Variants in CACNA1C observed in about 807,000 individuals in gnomAD.
CACNA1C encodes the protein calcium voltage-gated channel subunit alpha1 C, also known as voltage-dependent L-type calcium channel subunit alpha-1C.
CACNA1C carries 30 observed loss-of-function variants against 229.0 expected under a neutral mutation model. The observed-to-expected ratio is 0.13, with a 90% CI of 0.10 to 0.18. The LOEUF is 0.18. Among genes scored for constraint, CACNA1C ranks in the 10% least tolerant of loss-of-function variants. CACNA1C has a pLI of 1.00. For missense variants in CACNA1C, 1,658 were observed against 2,845.0 expected (o/e 0.58, Z 9.49); for synonymous variants, 1,114 against 1,132.5 (o/e 0.98, Z 0.33).
chr12:2,485,169 A>T (rs2099693088), intron 5 of CACNA1C, among the ~76,000 whole-genome samples: 1 of 151,988 alleles, frequency 6.6e-6, no homozygotes, highest in Admixed American at 6.6e-5. Context: ...TGTGTGTCAG[A>T]GGTGGCACTC....
At chr12:2,462,328 C>CCCCCACCTCGGCTCAGCTCTCCATACA (rs1567829816) in intron 5 of CACNA1C, among the ~76,000 whole-genome samples, 3 of 119,254 alleles carry the variant, frequency 2.5e-5, no homozygotes, top group Non-Finnish European at 3.6e-5. Context: ...CGCACCTCCT[C>CCCCCACCTCGGCTCAGCTCTCCATACA]GGCCCGCCCC....
intron 9 of CACNA1C, among the ~76,000 whole-genome samples, chr12:2,519,206 T>G (rs1362948623): frequency 6.6e-6 from 1 of 152,252 alleles, no homozygotes; most frequent in Non-Finnish European, 1.5e-5. Flanking sequence ...GAGGTCCTTC[T>G]TGGGGCTGCC....
chr12:2,466,391 G>A (rs936812207), intron 5 of CACNA1C, among the ~76,000 whole-genome samples: 1 of 152,172 alleles, frequency 6.6e-6, no homozygotes, highest in Admixed American at 6.5e-5. Flanking sequence ...CCTGAACCTC[G>A]CTTGCAGTTA....
At chr12:2,571,831 G>C (rs1274394378) in intron 13 of CACNA1C, among the ~76,000 whole-genome samples, 2 of 152,176 alleles carry the variant, frequency 1.3e-5, no homozygotes, top group Non-Finnish European at 2.9e-5. Flanking sequence ...TCCAGCGCCA[G>C]CCTTGGGACT....
chr12:2,532,658 C>G (rs939115476), intron 9 of CACNA1C, among the ~76,000 whole-genome samples: 1 of 152,238 alleles, frequency 6.6e-6, no homozygotes, highest in Non-Finnish European at 1.5e-5. Context: ...CAAGAGCCTT[C>G]CTGTGTTCCA....
At chr12:2,071,163 TCCC>T (rs2061158927) in intron 1 of CACNA1C, among the ~76,000 whole-genome samples, 2 of 63,364 alleles carry the variant, frequency 3.2e-5, no homozygotes, top group African/African-American at 1.4e-4. Flanking sequence ...CCTCCCTCCC[TCCC>T]TCCCTCCCTG....
At chr12:2,581,944 G>GT (rs1454597947) in intron 14 of CACNA1C, 147 bp downstream of exon 14, 1 of 558,234 alleles carries the variant, frequency 1.8e-6, no homozygotes, top group Non-Finnish European at 3.2e-6. Flanking sequence ...AGAGTCTTGA[G>GT]TTTTTTCTGT....
At chr12:2,398,638 G>T (rs2098630620) in intron 3 of CACNA1C, among the ~76,000 whole-genome samples, 1 of 152,208 alleles carries the variant, frequency 6.6e-6, no homozygotes, top group Non-Finnish European at 1.5e-5. Context: ...ACTTTGAAAT[G>T]CTTCTCCAGC....
chr12:2,171,409 C>T (rs1007407329), intron 3 of CACNA1C, among the ~76,000 whole-genome samples: 4 of 152,118 alleles, frequency 2.6e-5, no homozygotes, highest in Non-Finnish European at 4.4e-5. Flanking sequence ...GTTCTCTCCA[C>T]GTGCGAGGAG....
At chr12:2,469,672 A>G (rs917596488) in intron 5 of CACNA1C, among the ~76,000 whole-genome samples, 1 of 152,254 alleles carries the variant, frequency 6.6e-6, no homozygotes, top group African/African-American at 2.4e-5. Context: ...TGTGAGCACC[A>G]TCAACTGCAT....
intron 3 of CACNA1C, among the ~76,000 whole-genome samples, chr12:2,299,664 A>C (rs2094400262): frequency 6.6e-6 from 1 of 152,146 alleles, no homozygotes; most frequent in Non-Finnish European, 1.5e-5. Flanking sequence ...TGTTATTCTT[A>C]GGAATAGTGA....
At chr12:2,531,786 G>A (rs1174128183) in intron 9 of CACNA1C, among the ~76,000 whole-genome samples, 2 of 152,146 alleles carry the variant, frequency 1.3e-5, no homozygotes, top group African/African-American at 4.8e-5. Context: ...TGAGAGCACT[G>A]AACAGTAGAA....
At chr12:2,463,974 T>C (rs2099533276) in intron 5 of CACNA1C, among the ~76,000 whole-genome samples, 1 of 152,116 alleles carries the variant, frequency 6.6e-6, no homozygotes, top group Non-Finnish European at 1.5e-5. Context: ...TGGTTAAATA[T>C]TTGCAATGTA....
At chr12:2,555,704 C>T (rs1341072143) in intron 10 of CACNA1C, among the ~76,000 whole-genome samples, 1 of 152,228 alleles carries the variant, frequency 6.6e-6, no homozygotes, top group Non-Finnish European at 1.5e-5. Context: ...ATTAGCTAAC[C>T]GTTCGGAGCA....
chr12:2,033,208 C>T (rs1196045369), intron 1 of CACNA1C, among the ~76,000 whole-genome samples: 1 of 152,090 alleles, frequency 6.6e-6, no homozygotes, highest in African/African-American at 2.4e-5. Context: ...GACAGGATGT[C>T]CCAGAACAAG....
chr12:2,324,829 C>T (rs1484988950), intron 3 of CACNA1C, among the ~76,000 whole-genome samples: 1 of 152,158 alleles, frequency 6.6e-6, no homozygotes, highest in African/African-American at 2.4e-5. Flanking sequence ...GTCTGTCTTG[C>T]TCTCCATGTG....
chr12:2,518,061 T>G (rs1253056289), intron 9 of CACNA1C, among the ~76,000 whole-genome samples: 3 of 152,192 alleles, frequency 2.0e-5, no homozygotes, highest in African/African-American at 7.2e-5. Context: ...GATTAAATAT[T>G]TACCCCATGG....
At chr12:2,113,991 C>A (rs1484761466) in intron 1 of CACNA1C, among the ~76,000 whole-genome samples, 1 of 152,236 alleles carries the variant, frequency 6.6e-6, no homozygotes, top group African/African-American at 2.4e-5. Flanking sequence ...CCTACCCCAT[C>A]AACCCCTGCC....
Position 2,348,427 on chromosome 12 carries a change from T to A in CACNA1C, c.478-100549T>A, listed in dbSNP as rs973425912. Among the ~76,000 whole-genome samples the A allele has an allele frequency of 6.6e-6, 1 of 152,196 alleles. No homozygotes were observed. Among genetic ancestry groups the A allele is most frequent in the Non-Finnish European group, 1.5e-5 (1 of 68,034 alleles). On this transcript the variant is annotated intron_variant, in intron 3 of 46. Transcript: ENST00000399655. The surrounding 1 kb of genome is among the most constrained non-coding windows in gnomAD (Gnocchi z 4.7). ...TAGTCAATCCAAACGTGGAGGTGATTGGCATATGTAAGAACCCCCTTTCCC... is the reference window on the plus strand; with the variant it reads ...TAGTCAATCCAAACGTGGAGGTGATAGGCATATGTAAGAACCCCCTTTCCC...
Sources: gnomAD v4.1 joint callset for allele counts (sites outside exome capture counted in the v4.1 genomes callset) on GRCh38, gnomAD v4.1.1 for gene constraint, Gnocchi (gnomAD v3.1) non-coding constraint, MANE v1.5 for transcripts, NCBI Gene and HGNC (gene_info 2026-07-23, HGNC 2026-07-21) for gene names.